Variants in OVOL2 observed in about 807,000 individuals in gnomAD.
The protein encoded by OVOL2 is transcription factor Ovo-like 2.
Under a neutral mutation model 18.1 loss-of-function variants are expected in OVOL2, and 13 were observed. The observed-to-expected ratio is 0.72, with a 90% CI of 0.47 to 1.14. The LOEUF (loss-of-function observed/expected upper bound fraction) is 1.14. OVOL2 is among the 50% of genes most tolerant of loss of function. The pLI is 0.00. For missense variants in OVOL2, 335 were observed against 383.0 expected (o/e 0.87, Z 1.05); for synonymous variants, 166 against 162.7 (o/e 1.02, Z -0.16).
At chr20:18,027,033 C>T (rs934774631) in intron 3 of OVOL2, among the ~76,000 whole-genome samples, 4 of 152,110 alleles carry the variant, frequency 2.6e-5, no homozygotes, top group African/African-American at 7.2e-5. Flanking sequence ...TCATCTGGAC[C>T]TCAAATCTCA....
chr20:18,057,660 G>A lies in OVOL2; in HGVS notation c.-26C>T. On this transcript the variant is annotated 5_prime_UTR_variant, in exon 1 of 4. Transcript: ENST00000278780. This position sits in a 1 kb window ranked among gnomAD's most constrained non-coding sequence, Gnocchi z 6.3. Reference sequence around the variant, plus strand: ...GGTGGGGTCCCCTCTCCCGACTGCGGCCCCCTCCTCCCGGCTGCTCCCCGC... The same window carrying A: ...GGTGGGGTCCCCTCTCCCGACTGCGACCCCCTCCTCCCGGCTGCTCCCCGC... The A allele has an allele frequency of 6.5e-7, 1 of 1,546,772 alleles. No homozygotes were observed. The highest frequency in any genetic ancestry group is 1.2e-5 in the South Asian group (1 of 84,002).
chr20:18,047,013 A>G (rs2036729035), intron 2 of OVOL2, among the ~76,000 whole-genome samples: 1 of 152,046 alleles, frequency 6.6e-6, no homozygotes. Flanking sequence ...CTATGTCACA[A>G]TTTCCCCACA....
intron 3 of OVOL2, among the ~76,000 whole-genome samples, chr20:18,029,228 C>A (rs1041902577): frequency 6.6e-6 from 1 of 152,012 alleles, no homozygotes; most frequent in Non-Finnish European, 1.5e-5. Context: ...CGGGTTTCAC[C>A]ATGTTGACCA....
At position 18,024,522 on chromosome 20, in the gene OVOL2, G is replaced by A. The variant is rs1033655862; in HGVS notation, c.*114C>T. The A allele has an allele frequency of 7.9e-5, 115 of 1,451,948 alleles. No individual in the cohort carries two copies. Among genetic ancestry groups the A allele is most frequent in the Middle Eastern group, 2.5e-4 (1 of 3,970 alleles). 89.9% of individuals were successfully genotyped at this position (1,451,948 alleles called of 1,614,324 possible). The stretch of plus-strand genomic sequence containing the variant: ...TGCTGATGTTTCAAAAGGACACAGA[G>A]GTGAACTGGTCACTTCTAATTAAGA... On this transcript the variant is annotated 3_prime_UTR_variant, in exon 4 of 4. Coordinates refer to ENST00000278780, the MANE Select transcript of OVOL2 (RefSeq NM_021220.4).
At position 18,057,095 on chromosome 20, in the gene OVOL2, A is replaced by C. The variant is rs900658063; in HGVS notation, c.101-218T>G. ...CTTTCCGGTCCCAGCCAAGGCGCCC[A>C]CGAGGAACCGGGCGGCCACGAGCGG... On this transcript the variant is annotated intron_variant, in intron 1 of 3. Coordinates refer to ENST00000278780, the MANE Select transcript of OVOL2 (RefSeq NM_021220.4). The surrounding 1 kb of genome is among the most constrained non-coding windows in gnomAD (Gnocchi z 6.3). Among the ~76,000 whole-genome samples the C allele has an allele frequency of 5.9e-5, 9 of 152,160 alleles. No homozygotes were observed. The highest frequency in any genetic ancestry group is 2.2e-4 in the African/African-American group (9 of 41,448).
At chr20:18,040,579 T>C (rs560178593) in intron 3 of OVOL2, among the ~76,000 whole-genome samples, 121 of 152,174 alleles carry the variant, frequency 8.0e-4, no homozygotes, top group African/African-American at 2.7e-3. Context: ...GTGTGGACAA[T>C]GGAGCTCAGG....
In OVOL2 at chr20:18,024,843, C is replaced by G; in HGVS notation, c.621G>C (p.Lys207Asn). The G allele has an allele frequency of 6.2e-7, 1 of 1,614,218 alleles. No individual in the cohort carries two copies. The highest frequency in any genetic ancestry group is 8.5e-7 in the Non-Finnish European group (1 of 1,180,046). ...AGACGTAGAGCTTGTCCCGCCGCTG[C>G]TTATAGGCATACTGCTGCTGCACCC... ...IHGVQQQYAY[K>N]QRRDKLYVCE... Residue 207 changes from lysine (K) to asparagine (N), a missense_variant, in exon 4 of 4, where the codon AAG becomes AAC. By Grantham distance (94) the Lys-to-Asn change is moderately conservative (BLOSUM62 0). Coordinates refer to ENST00000278780, the MANE Select transcript of OVOL2 (RefSeq NM_021220.4).
intron 2 of OVOL2, among the ~76,000 whole-genome samples, chr20:18,047,853 C>CAAAAAAAAAAAAA (rs34668253): frequency 2.8e-4 from 13 of 47,130 alleles, no homozygotes; most frequent in African/African-American, 6.9e-4. Flanking sequence ...GACTCCGTCT[C>CAAAAAAAAAAAAA]AAAAAAAAAA....
At chr20:18,038,953 A>T (rs1369687465) in intron 3 of OVOL2, among the ~76,000 whole-genome samples, 5 of 151,926 alleles carry the variant, frequency 3.3e-5, no homozygotes, top group African/African-American at 1.2e-4. Context: ...CTCCCTAAGC[A>T]TTCTCCTCAC....
chr20:18,051,825 T>C (rs6132024), intron 2 of OVOL2, among the ~76,000 whole-genome samples: 21,444 of 152,090 alleles, frequency 0.14, 2,396 homozygotes, highest in African/African-American at 0.31. Context: ...CTCCACCTCC[T>C]GGGTTCAAGC....
intron 3 of OVOL2, among the ~76,000 whole-genome samples, chr20:18,034,678 C>T (rs904309066): frequency 2.7e-5 from 4 of 150,188 alleles, no homozygotes; most frequent in Non-Finnish European, 4.4e-5. Flanking sequence ...CACACCCCTC[C>T]GATTTACCTT....
At chr20:18,029,790 G>A (rs1016521639) in intron 3 of OVOL2, among the ~76,000 whole-genome samples, 1 of 151,950 alleles carries the variant, frequency 6.6e-6, no homozygotes, top group African/African-American at 2.4e-5. Flanking sequence ...CTAGCCTGGC[G>A]AACATGGGGA....
At chr20:18,052,375 A>C (rs542075593) in intron 2 of OVOL2, among the ~76,000 whole-genome samples, 1 of 152,272 alleles carries the variant, frequency 6.6e-6, no homozygotes, top group South Asian at 2.1e-4. Flanking sequence ...ATGTGAACAC[A>C]ATTGGTAATG....
In OVOL2 at chr20:18,056,629, G is replaced by A; in HGVS notation, c.321+28C>T. On this transcript the variant is annotated intron_variant, in intron 2 of 3. Coordinates refer to ENST00000278780, the MANE Select transcript of OVOL2 (RefSeq NM_021220.4). The surrounding 1 kb of genome is among the most constrained non-coding windows in gnomAD (Gnocchi z 4.2). ...CCCGACGCCAGGGCGTGGTGCAGGT[G>A]GCGGCGGGGGCAGAGTCGACACAGT... 7.3e-7 allele frequency: 1 copy of A among 1,374,164 alleles called. No individual in the cohort carries two copies. The highest frequency in any genetic ancestry group is 1.9e-4 in the Middle Eastern group (1 of 5,142). 85.1% of individuals were successfully genotyped at this position (1,374,164 alleles called of 1,614,324 possible).
chr20:18,039,171 G>A (rs1302964940), intron 3 of OVOL2, among the ~76,000 whole-genome samples: 2 of 152,244 alleles, frequency 1.3e-5, no homozygotes, highest in Non-Finnish European at 2.9e-5. Flanking sequence ...GAGAGGGGTA[G>A]TGACTTCTAG....
intron 3 of OVOL2, among the ~76,000 whole-genome samples, chr20:18,029,510 T>C (rs1285851067): frequency 6.6e-6 from 1 of 152,168 alleles, no homozygotes; most frequent in Non-Finnish European, 1.5e-5. Context: ...AACATAAACC[T>C]GGGGTTCTGG....
intron 3 of OVOL2, among the ~76,000 whole-genome samples, chr20:18,026,967 G>T (rs2036525234): frequency 6.6e-6 from 1 of 152,138 alleles, no homozygotes; most frequent in Admixed American, 6.5e-5. Context: ...AGAGGGAGGG[G>T]CCAAGGGCTG....
intron 3 of OVOL2, among the ~76,000 whole-genome samples, chr20:18,038,279 T>C (rs943190360): frequency 7.2e-5 from 11 of 152,218 alleles, no homozygotes; most frequent in Non-Finnish European, 1.0e-4. Flanking sequence ...TTACTACTAA[T>C]AATAGCTAAT....
intron 3 of OVOL2, among the ~76,000 whole-genome samples, 181 bp downstream of exon 3, chr20:18,041,353 C>T (rs2036666011): frequency 6.6e-6 from 1 of 152,066 alleles, no homozygotes; most frequent in African/African-American, 2.4e-5. Context: ...TTAGTAGAGA[C>T]AGGGTTTCAC....
Sources: gnomAD v4.1 joint callset for allele counts (sites outside exome capture counted in the v4.1 genomes callset) on GRCh38, gnomAD v4.1.1 for gene constraint, Gnocchi (gnomAD v3.1) non-coding constraint, MANE v1.5 for transcripts, NCBI Gene and HGNC (gene_info 2026-07-23, HGNC 2026-07-21) for gene names.